SETD3: variants seen among roughly 807,000 people sequenced by gnomAD.
SETD3 encodes actin-histidine N-methyltransferase.
In SETD3, 19 loss-of-function variants were observed where a neutral mutation model predicts 63.0. The ratio of observed to expected loss-of-function variants is 0.30; its 90% CI spans 0.21 to 0.44. The LOEUF is 0.44. Ranked by LOEUF, SETD3 falls within the 20% of genes least tolerant of loss-of-function variation. The pLI is 1.00. For synonymous variants in SETD3, 286 were observed against 264.1 expected (o/e 1.08, Z -0.80); for missense variants, 587 against 728.5 (o/e 0.81, Z 2.24).
In SETD3 at chr14:99,398,544, C is replaced by T. The variant is rs910690922; in HGVS notation, c.*135G>A. 2.3e-6 allele frequency: 2 copies of T among 863,336 alleles called. No individual in the cohort carries two copies. The highest frequency in any genetic ancestry group is 3.4e-6 in the Non-Finnish European group (2 of 580,654). 53.5% of individuals were successfully genotyped at this position (863,336 alleles called of 1,614,324 possible). On this transcript the variant is annotated 3_prime_UTR_variant, in exon 13 of 13. Transcript: ENST00000331768. Reference sequence around the variant, plus strand: ...GATTTTTAAAATAACTTAAAAAAACCATTTTTATATAAAGCAGCAAAAACA... The same window carrying T: ...GATTTTTAAAATAACTTAAAAAAACTATTTTTATATAAAGCAGCAAAAACA...
At position 99,398,891 on chromosome 14, in the gene SETD3, T is replaced by G; in HGVS notation, c.1573A>C (p.Asn525His). The change falls in exon 13 of 13, where the codon AAC (asparagine) becomes CAC (histidine). Residue 525 changes from asparagine to histidine, a missense_variant. Physicochemically the swap from Asn to His is moderately conservative, Grantham distance 68. Transcript: ENST00000331768. ...TGCACTCCAGCCTCCTCCTCGAGGT[T>G]TCTCAAGACCAGGGGGAGCCTCGAG... ...GDSRLPLVLR[N>H]LEEEAGVQDA... 6.2e-7 allele frequency: 1 copy of G among 1,614,158 alleles called. No individual in the cohort carries two copies. The highest frequency in any genetic ancestry group is 8.5e-7 in the Non-Finnish European group (1 of 1,179,986).
At chr14:99,444,972 A>G (rs61121386) in intron 6 of SETD3, among the ~76,000 whole-genome samples, 3,380 of 152,342 alleles carry the variant, frequency 0.022, 125 homozygotes, top group African/African-American at 0.077. Flanking sequence ...CATGATGGTA[A>G]AAGATATGGT....
chr14:99,452,343 G>C (rs1357866316), intron 6 of SETD3, among the ~76,000 whole-genome samples: 2 of 152,192 alleles, frequency 1.3e-5, no homozygotes, highest in African/African-American at 4.8e-5. Context: ...TTGACCTCGT[G>C]ATCTGCCTGC....
chr14:99,462,383 G>A (rs572988745), intron 3 of SETD3, among the ~76,000 whole-genome samples: 3 of 152,360 alleles, frequency 2.0e-5, no homozygotes, highest in African/African-American at 7.2e-5. Flanking sequence ...GTGGCACATA[G>A]CTCAGGCGCC....
intron 6 of SETD3, among the ~76,000 whole-genome samples, chr14:99,424,196 T>G (rs1490275183): frequency 1.3e-5 from 2 of 152,308 alleles, no homozygotes; most frequent in Admixed American, 1.3e-4. Context: ...ACTATAGTCA[T>G]AGATGAGAAA....
chr14:99,426,149 G>A (rs572270838), intron 6 of SETD3, among the ~76,000 whole-genome samples: 2 of 152,224 alleles, frequency 1.3e-5, no homozygotes, highest in Admixed American at 6.5e-5. Context: ...CAAATCCTAA[G>A]ACAAGGTTTA....
intron 6 of SETD3, among the ~76,000 whole-genome samples, chr14:99,415,897 G>A (rs562670782): frequency 1.3e-5 from 2 of 152,288 alleles, no homozygotes; most frequent in East Asian, 3.9e-4. Context: ...CAACTTGGGA[G>A]AGTAGATTAC....
intron 3 of SETD3, among the ~76,000 whole-genome samples, chr14:99,462,823 T>C (rs891989133): frequency 6.6e-6 from 1 of 152,178 alleles, no homozygotes; most frequent in African/African-American, 2.4e-5. Context: ...CCTGAGGCCC[T>C]TCATGACAAT....
At chr14:99,427,942 T>A (rs753940509) in intron 6 of SETD3, among the ~76,000 whole-genome samples, 17 of 152,138 alleles carry the variant, frequency 1.1e-4, no homozygotes, top group Non-Finnish European at 2.2e-4. Flanking sequence ...GGATTTTCCA[T>A]GTGGGAAGGG....
At chr14:99,444,196 G>C (rs1207949400) in intron 6 of SETD3, 1 of 152,212 alleles carries the variant, frequency 6.6e-6, no homozygotes, top group East Asian at 1.9e-4. Flanking sequence ...GAACAGACAG[G>C]GCAGTCAGGG....
chr14:99,434,873 A>AAAC (rs1236205539), intron 6 of SETD3, among the ~76,000 whole-genome samples: 14 of 150,434 alleles, frequency 9.3e-5, no homozygotes, highest in African/African-American at 2.9e-4. Context: ...AAAAAAAAAA[A>AAAC]AAACAACCTA....
At chr14:99,453,548 G>T (rs999857590) in intron 6 of SETD3, among the ~76,000 whole-genome samples, 1 of 152,136 alleles carries the variant, frequency 6.6e-6, no homozygotes, top group Admixed American at 6.5e-5. Flanking sequence ...TGATTGGCCA[G>T]GCGCGGTGGC....
chr14:99,463,867 T>G (rs1233989250), intron 2 of SETD3, among the ~76,000 whole-genome samples: 3 of 152,202 alleles, frequency 2.0e-5, no homozygotes, highest in Non-Finnish European at 4.4e-5. Flanking sequence ...AGTTAACTCT[T>G]TTTAGAATAT....
chr14:99,433,704 T>C (rs558254066), intron 6 of SETD3, among the ~76,000 whole-genome samples: 4 of 152,210 alleles, frequency 2.6e-5, no homozygotes, highest in African/African-American at 7.2e-5. Context: ...CTGAAAGTGC[T>C]GGGATTACAC....
At chr14:99,406,611 G>A in intron 8 of SETD3, 21 bp from the exon 9 acceptor site, 1 of 1,610,746 alleles carries the variant, frequency 6.2e-7, no homozygotes, top group Non-Finnish European at 8.5e-7. Context: ...GAGGAGGAAG[G>A]AAATGATGGT....
chr14:99,450,274 T>C (rs1359516464), intron 6 of SETD3, among the ~76,000 whole-genome samples: 1 of 152,248 alleles, frequency 6.6e-6, no homozygotes, highest in Admixed American at 6.5e-5. Flanking sequence ...AGGCCTCATG[T>C]ATTATCAGAG....
intron 6 of SETD3, among the ~76,000 whole-genome samples, chr14:99,425,920 A>C (rs1743915069): frequency 6.6e-6 from 1 of 152,246 alleles, no homozygotes; most frequent in African/African-American, 2.4e-5. Flanking sequence ...CTCTATGCTC[A>C]GCAAAATGAC....
At chr14:99,407,957 C>T (rs1415552417) in intron 8 of SETD3, among the ~76,000 whole-genome samples, 2 of 152,330 alleles carry the variant, frequency 1.3e-5, no homozygotes, top group Admixed American at 6.5e-5. Context: ...TCTATTAAAA[C>T]CTCCTTCTCA....
At chr14:99,481,415 C>G (rs770366309), upstream of SETD3, 111 of 398,642 alleles carry the variant, frequency 2.8e-4, 1 homozygote, top group Admixed American at 1.4e-3. Flanking sequence ...CCCCGACATT[C>G]CATATACAAG....
Sources: allele counts gnomAD v4.1 joint callset (sites outside exome capture counted in the v4.1 genomes callset), GRCh38; gene constraint gnomAD v4.1.1; transcripts MANE v1.5; gene names NCBI Gene and HGNC (gene_info 2026-07-23, HGNC 2026-07-21).